Variants in KLHL7 observed in about 807,000 individuals in gnomAD.
The protein encoded by KLHL7 is kelch-like protein 7.
KLHL7 carries 44 observed loss-of-function variants against 67.4 expected under a neutral mutation model. That is an observed-to-expected ratio of 0.65 (90% CI 0.51 to 0.84). The LOEUF is 0.84. Ranked by LOEUF, KLHL7 falls within the 40% of genes least tolerant of loss-of-function variation. KLHL7 has a pLI of 0.00. For missense variants in KLHL7, 362 were observed against 718.1 expected (o/e 0.50, Z 5.67); for synonymous variants, 252 against 243.3 (o/e 1.04, Z -0.33).
At chr7:23,156,172 G>T in intron 7 of KLHL7, 1 of 227,422 alleles carries the variant, frequency 4.4e-6, no homozygotes, top group East Asian at 1.3e-4. Context: ...CATTCCATCA[G>T]TTATAGTTCT....
At chr7:23,142,776 A>T (rs1284088799) in intron 5 of KLHL7, among the ~76,000 whole-genome samples, 1 of 151,820 alleles carries the variant, frequency 6.6e-6, no homozygotes, top group East Asian at 1.9e-4. Context: ...AAAAACAAGG[A>T]AAGGCTGAAA....
At chr7:23,115,807 T>G (rs1175948798) in intron 1 of KLHL7, among the ~76,000 whole-genome samples, 1 of 152,158 alleles carries the variant, frequency 6.6e-6, no homozygotes, top group African/African-American at 2.4e-5. Context: ...CCTCCCAAAG[T>G]GCTGGGATTA....
chr7:23,141,436 G>A (rs1456581486), intron 5 of KLHL7, among the ~76,000 whole-genome samples: 1 of 152,234 alleles, frequency 6.6e-6, no homozygotes, highest in African/African-American at 2.4e-5. Context: ...GCAGCTGCTA[G>A]ATGCTGGAAA....
At chr7:23,127,527 A>G (rs1783619215) in intron 4 of KLHL7, among the ~76,000 whole-genome samples, 1 of 152,064 alleles carries the variant, frequency 6.6e-6, no homozygotes, top group Non-Finnish European at 1.5e-5. Context: ...AGCTGATTGG[A>G]TAATTCCTAG....
chr7:23,139,088 TA>T (rs60821313), intron 4 of KLHL7, among the ~76,000 whole-genome samples: 3,576 of 129,748 alleles, frequency 0.028, 146 homozygotes, highest in African/African-American at 0.089. Context: ...TTATTAATGC[TA>T]AAAAAAAAAA....
chr7:23,108,826 A>G (rs1583629091), intron 1 of KLHL7, among the ~76,000 whole-genome samples: 1 of 152,238 alleles, frequency 6.6e-6, no homozygotes, highest in African/African-American at 2.4e-5. Flanking sequence ...CTTAAAGCCA[A>G]CATTGTTTGT....
At chr7:23,140,986 CT>C in intron 5 of KLHL7, 42 bp downstream of exon 5, 1 of 1,511,018 alleles carries the variant, frequency 6.6e-7, no homozygotes, top group Non-Finnish European at 9.2e-7. Context: ...ATAAAAATGT[CT>C]TTATTGGTTT....
intron 7 of KLHL7, among the ~76,000 whole-genome samples, chr7:23,163,363 G>A (rs947246617): frequency 6.6e-6 from 1 of 152,012 alleles, no homozygotes; most frequent in African/African-American, 2.4e-5. Context: ...GTGGAGACGG[G>A]GTTTCACCAT....
At chr7:23,147,017 CTTAA>C (rs1301576131) in intron 6 of KLHL7, among the ~76,000 whole-genome samples, 1 of 144,134 alleles carries the variant, frequency 6.9e-6, no homozygotes, top group Non-Finnish European at 1.5e-5. Context: ...GAGTAATTTT[CTTAA>C]TTTATTTCAG....
chr7:23,118,075 A>C, intron 1 of KLHL7: 2 of 1,345,800 alleles, frequency 1.5e-6, no homozygotes, highest in Non-Finnish European at 1.0e-6. Context: ...GCTAATCCTC[A>C]TACAGTGCTT....
intron 8 of KLHL7, 84 bp downstream of exon 8, chr7:23,166,022 T>G: frequency 2.0e-5 from 28 of 1,366,934 alleles, no homozygotes; most frequent in Non-Finnish European, 2.7e-5. Flanking sequence ...AAACAGCTGG[T>G]ATTATTTGTC....
chr7:23,149,273 A>C (rs79214857), intron 6 of KLHL7, among the ~76,000 whole-genome samples: 290 of 152,266 alleles, frequency 1.9e-3, no homozygotes, highest in African/African-American at 6.7e-3. Flanking sequence ...AAGATACCAA[A>C]GTGTCCCCCA....
At chr7:23,121,829 C>A (rs942930226) in intron 1 of KLHL7, among the ~76,000 whole-genome samples, 1 of 151,890 alleles carries the variant, frequency 6.6e-6, no homozygotes, top group African/African-American at 2.4e-5. Context: ...ACTACAGGTG[C>A]CCACCACCAC....
chr7:23,116,080 C>T (rs896701871), intron 1 of KLHL7, among the ~76,000 whole-genome samples: 1 of 152,214 alleles, frequency 6.6e-6, no homozygotes, highest in Non-Finnish European at 1.5e-5. Flanking sequence ...ACATTTGTAG[C>T]CAGCAGTTCT....
intron 1 of KLHL7, among the ~76,000 whole-genome samples, chr7:23,120,883 A>G (rs558977355): frequency 4.1e-4 from 62 of 152,294 alleles, no homozygotes; most frequent in Admixed American, 4.6e-4. Flanking sequence ...ACTGTTAACT[A>G]TAGTCATCCT....
intron 8 of KLHL7, among the ~76,000 whole-genome samples, chr7:23,166,736 G>A (rs1034105569): frequency 6.6e-6 from 1 of 152,086 alleles, no homozygotes; most frequent in Non-Finnish European, 1.5e-5. Flanking sequence ...TTCACAGACT[G>A]TTATAATGTA....
chr7:23,171,194 C>A, intron 9 of KLHL7: 1 of 351,656 alleles, frequency 2.8e-6, no homozygotes, highest in South Asian at 2.2e-5. Context: ...CGAAAAAACG[C>A]TTCTAAACAT....
At chr7:23,145,501 A>G (rs2128465389) in intron 6 of KLHL7, among the ~76,000 whole-genome samples, 1 of 152,250 alleles carries the variant, frequency 6.6e-6, no homozygotes, top group Admixed American at 6.5e-5. Context: ...ATATCATATG[A>G]GAGTGAGTTA....
chr7:23,124,969 C>A, intron 3 of KLHL7, 79 bp from the exon 4 acceptor site: 2 of 1,316,264 alleles, frequency 1.5e-6, no homozygotes, highest in Non-Finnish European at 2.2e-6. Context: ...ATTTCAGGGG[C>A]TATTAGGATA....
Sources: allele counts gnomAD v4.1 joint callset (sites outside exome capture counted in the v4.1 genomes callset), GRCh38; gene constraint gnomAD v4.1.1; transcripts MANE v1.5; gene names NCBI Gene and HGNC (gene_info 2026-07-23, HGNC 2026-07-21).